The following DOCK1 variants were observed in gnomAD, a reference collection of about 807,000 sequenced individuals.
DOCK1 encodes dedicator of cytokinesis 1.
A neutral mutation model predicts 262.7 loss-of-function variants in DOCK1; 138 were observed. The observed-to-expected ratio is 0.53, with a 90% CI of 0.46 to 0.61. The LOEUF is 0.61. DOCK1 is among the 20% of genes least tolerant of loss of function. DOCK1 has a pLI of 0.00. For missense variants in DOCK1, 1,908 were observed against 2,370.7 expected, an observed-to-expected ratio of 0.80 and a Z score of 4.05; for synonymous variants, 866 against 867.4, an observed-to-expected ratio of 1.00 and a Z score of 0.03.
Position 127,428,764 on chromosome 10 carries a change from C to T in DOCK1, c.4914+2753C>T, listed in dbSNP as rs1268177429. ...TGGGGTGCTGTGTGGATTGGGGTAC[C>T]GTGTGGACTGTGGTGCTGTGTGGAC... On this transcript the variant is annotated intron_variant, in intron 47 of 51. Transcript: ENST00000623213. Among the ~76,000 whole-genome samples, 26 of 123,642 alleles carry T rather than the reference C, an allele frequency of 2.1e-4. 1 individual carries two copies. Among genetic ancestry groups the T allele is most frequent in the Non-Finnish European group, 3.1e-4 (19 of 60,688 alleles). The allele number at this position is 123,642 out of a possible 152,430, so 81.1% of individuals were successfully genotyped here.
At chr10:127,342,101 C>CTGT (rs1237844614) in intron 30 of DOCK1, among the ~76,000 whole-genome samples, 2 of 108,650 alleles carry the variant, frequency 1.8e-5, no homozygotes, top group Non-Finnish European at 3.8e-5. Flanking sequence ...GTTGTTGCTG[C>CTGT]TGCTGCTGCT....
At chr10:127,073,938 A>T (rs1296204339) in intron 23 of DOCK1, among the ~76,000 whole-genome samples, 1 of 152,126 alleles carries the variant, frequency 6.6e-6, no homozygotes, top group African/African-American at 2.4e-5. Flanking sequence ...TTCATTTAGG[A>T]TTGGTGTTCT....
intron 23 of DOCK1, among the ~76,000 whole-genome samples, chr10:127,083,861 T>A (rs188710477): frequency 3.3e-5 from 5 of 152,336 alleles, no homozygotes; most frequent in African/African-American, 1.2e-4. Flanking sequence ...CACTCTACCT[T>A]GCTTTAACGT....
At chr10:127,357,507 C>A (rs1426043675) in intron 32 of DOCK1, among the ~76,000 whole-genome samples, 1 of 152,150 alleles carries the variant, frequency 6.6e-6, no homozygotes, top group Non-Finnish European at 1.5e-5. Flanking sequence ...TCCAGATAGG[C>A]CAAGTCAAGC....
At chr10:127,036,043 T>TAAA (rs56691668) in intron 18 of DOCK1, among the ~76,000 whole-genome samples, 5 of 147,562 alleles carry the variant, frequency 3.4e-5, no homozygotes, top group South Asian at 2.2e-4. Flanking sequence ...AATAAATAAA[T>TAAA]AAAAAAGAGT....
chr10:126,948,674 C>T (rs2035854422), intron 1 of DOCK1, among the ~76,000 whole-genome samples: 1 of 151,954 alleles, frequency 6.6e-6, no homozygotes, highest in Non-Finnish European at 1.5e-5. Flanking sequence ...AGAGGCACTG[C>T]TTCCCAGGAA....
chr10:126,927,239 T>A (rs2033811030), intron 1 of DOCK1, among the ~76,000 whole-genome samples: 1 of 152,128 alleles, frequency 6.6e-6, no homozygotes, highest in Non-Finnish European at 1.5e-5. Context: ...CTGATCTGCT[T>A]TTTCTTTCAG....
chr10:127,297,650 T>C (rs1038532788), intron 29 of DOCK1, among the ~76,000 whole-genome samples: 10 of 152,212 alleles, frequency 6.6e-5, no homozygotes, highest in Non-Finnish European at 1.3e-4. Context: ...CTATACCTTC[T>C]TCCCAACTTT....
chr10:127,111,191 G>A (rs1371904183), intron 25 of DOCK1, among the ~76,000 whole-genome samples: 1 of 152,076 alleles, frequency 6.6e-6, no homozygotes, highest in Non-Finnish European at 1.5e-5. Context: ...CTCTGTGCTT[G>A]GCTTGGTCCT....
intron 29 of DOCK1, among the ~76,000 whole-genome samples, chr10:127,259,267 C>A (rs2059931721): frequency 6.6e-6 from 1 of 152,234 alleles, no homozygotes; most frequent in Non-Finnish European, 1.5e-5. Flanking sequence ...GGCCTTCTCT[C>A]AGCTTCTCAG....
In DOCK1 at chr10:127,172,365, G is replaced by T. The variant is rs528675972; in HGVS notation, c.2847+44601G>T. Among the ~76,000 whole-genome samples the T allele has an allele frequency of 3.9e-5, 6 of 152,298 alleles. No individual in the cohort carries two copies. In the East Asian group the frequency reaches 1.2e-3, roughly 29 times the overall value. On this transcript the variant is annotated intron_variant, in intron 27 of 51. Transcript: ENST00000623213. Reference sequence around the variant, plus strand: ...CCCTCCAGAGCCTGTTGTTCCAGATGTCCCAGCCCAGTGCTGGCTGCCACT... The same window carrying T: ...CCCTCCAGAGCCTGTTGTTCCAGATTTCCCAGCCCAGTGCTGGCTGCCACT...
Position 127,345,819 on chromosome 10 carries a change from C to A in DOCK1, c.3224+2073C>A, listed in dbSNP as rs536932806. Among the ~76,000 whole-genome samples the A allele has an allele frequency of 3.6e-3, 550 of 152,296 alleles. 12 individuals carry two copies. Among genetic ancestry groups the A allele is most frequent in the Non-Finnish European group, 7.5e-4 (51 of 68,016 alleles). On this transcript the variant is annotated intron_variant, in intron 31 of 51. Coordinates refer to ENST00000623213, the MANE Select transcript of DOCK1 (RefSeq NM_001290223.2). ...GCGCAGGCTCCTGCTTTGTGGAATG[C>A]ACGCTCCCTCAGGGCCCAGGGGAAG...
rs556232495 is a variant in DOCK1 at position 127,452,417 on chromosome 10, C to A, written c.*990C>A. On this transcript the variant is annotated 3_prime_UTR_variant, in exon 52 of 52. Coordinates refer to ENST00000623213, the MANE Select transcript of DOCK1 (RefSeq NM_001290223.2). ...CTTTGTATAACCTAATATTTGTATT[C>A]TCTCATCTATATTTTTTTATTCACT... The A allele has an allele frequency of 3.3e-5, 5 of 152,260 alleles. No individual in the cohort carries two copies. In the South Asian group the frequency reaches 1.0e-3, roughly 32 times the overall value. The allele number at this position is 152,260 out of a possible 1,614,324, so 9.4% of individuals were successfully genotyped here.
In DOCK1 at chr10:127,242,017, C is replaced by A. The variant is rs574859907; in HGVS notation, c.2848-5991C>A. 5.3e-5 allele frequency among the ~76,000 whole-genome samples: 8 copies of A among 152,250 alleles called. No homozygotes were observed. In the East Asian group the frequency reaches 1.5e-3, roughly 29 times the overall value. On this transcript the variant is annotated intron_variant, in intron 27 of 51. Transcript: ENST00000623213. ...TTCTGGGCCTTCCTTGGGTTTTGCA[C>A]CAGGGATTCACAGACTTCCTGTTAA...
chr10:127,272,382 C>T (rs564891410), intron 29 of DOCK1, among the ~76,000 whole-genome samples: 4 of 152,250 alleles, frequency 2.6e-5, no homozygotes, highest in Admixed American at 6.5e-5. Flanking sequence ...GCTCAAACCT[C>T]GGCAGCTACC....
intron 32 of DOCK1, among the ~76,000 whole-genome samples, chr10:127,360,468 C>T (rs988315839): frequency 6.6e-5 from 10 of 152,260 alleles, no homozygotes; most frequent in South Asian, 2.1e-4. Flanking sequence ...TCTAAGTCAG[C>T]GACAGAGACC....
At chr10:127,171,010 C>T (rs539587741) in intron 27 of DOCK1, among the ~76,000 whole-genome samples, 1 of 152,268 alleles carries the variant, frequency 6.6e-6, no homozygotes, top group East Asian at 1.9e-4. Flanking sequence ...CTGAAATGCT[C>T]GTAACAGGAT....
At chr10:127,383,459 A>G (rs1028846597) in intron 37 of DOCK1, among the ~76,000 whole-genome samples, 1 of 152,266 alleles carries the variant, frequency 6.6e-6, no homozygotes, top group South Asian at 2.1e-4. Flanking sequence ...TCAAAGTTAA[A>G]GAGTTTGTCC....
At chr10:127,200,037 T>C (rs2057382934) in intron 27 of DOCK1, among the ~76,000 whole-genome samples, 1 of 152,196 alleles carries the variant, frequency 6.6e-6, no homozygotes, top group Non-Finnish European at 1.5e-5. Context: ...AGACTGCCGA[T>C]GAAACGCCTG....
Sources: allele counts gnomAD v4.1 joint callset (sites outside exome capture counted in the v4.1 genomes callset), GRCh38; gene constraint gnomAD v4.1.1; transcripts MANE v1.5; gene names NCBI Gene and HGNC (gene_info 2026-07-23, HGNC 2026-07-21).